The following IGFL4 variants were observed in gnomAD, a reference collection of about 807,000 sequenced individuals.
The protein encoded by IGFL4 is insulin growth factor-like family member 4.
A neutral mutation model predicts 15.4 loss-of-function variants in IGFL4; 12 were observed. The observed-to-expected ratio is 0.78, with a 90% confidence interval of 0.50 to 1.26. The LOEUF (loss-of-function observed/expected upper bound fraction) is 1.26. Among genes scored for constraint, IGFL4 ranks in the 50% most tolerant of loss-of-function variants. IGFL4 has a pLI of 0.00. For missense variants in IGFL4, 126 were observed against 147.8 expected (o/e 0.85, Z 0.76); for synonymous variants, 54 against 55.9 (o/e 0.97, Z 0.16).
intron 2 of IGFL4, among the ~76,000 whole-genome samples, chr19:46,051,956 C>A (rs954572669): frequency 6.6e-6 from 1 of 152,088 alleles, no homozygotes; most frequent in African/African-American, 2.4e-5. Context: ...TATACATGCA[C>A]CTAACACTGG....
chr19:46,055,422 A>C (rs1277102717), intron 2 of IGFL4, among the ~76,000 whole-genome samples: 2 of 152,206 alleles, frequency 1.3e-5, no homozygotes, highest in East Asian at 3.9e-4. Flanking sequence ...CTATCATTGC[A>C]TGTTTTGTTA....
At chr19:46,075,324 C>T (rs1389979411) in intron 1 of IGFL4, among the ~76,000 whole-genome samples, 1 of 152,172 alleles carries the variant, frequency 6.6e-6, no homozygotes, top group Non-Finnish European at 1.5e-5. Context: ...GGACACATTG[C>T]ATTTAGTTGT....
upstream of IGFL4, among the ~76,000 whole-genome samples, chr19:46,043,000 C>T (rs1265246941): frequency 2.0e-5 from 3 of 152,136 alleles, no homozygotes; most frequent in Non-Finnish European, 4.4e-5. Flanking sequence ...ACGTGGCCCA[C>T]GTGGAGATGT....
At chr19:46,052,720 C>A (rs76990167) in intron 2 of IGFL4, among the ~76,000 whole-genome samples, 27 of 145,412 alleles carry the variant, frequency 1.9e-4, no homozygotes, top group South Asian at 6.5e-4. Context: ...GAAACTCCGT[C>A]AAAAAAAAAA....
At chr19:46,059,078 T>C (rs1600675093) in intron 2 of IGFL4, 1 of 152,356 alleles carries the variant, frequency 6.6e-6, no homozygotes, top group East Asian at 1.9e-4. Flanking sequence ...AAGTCACTTT[T>C]GTTGCTATCT....
At chr19:46,041,128 A>C (rs567212182), upstream of IGFL4, 40 of 622,564 alleles carry the variant, frequency 6.4e-5, no homozygotes, top group African/African-American at 7.2e-4. Flanking sequence ...GAACATAAAT[A>C]ATTCATCAAA....
At chr19:46,063,445 C>A (rs1969465805) in intron 1 of IGFL4, among the ~76,000 whole-genome samples, 1 of 152,144 alleles carries the variant, frequency 6.6e-6, no homozygotes, top group African/African-American at 2.4e-5. Context: ...TTCACTCACT[C>A]ACTCCCCAGA....
chr19:46,065,668 A>T (rs1234913070), intron 1 of IGFL4, among the ~76,000 whole-genome samples: 1 of 152,258 alleles, frequency 6.6e-6, no homozygotes, highest in Non-Finnish European at 1.5e-5. Flanking sequence ...ATGTGCTGAA[A>T]GCCTTTCCAA....
At chr19:46,059,741 A>G (rs953130204) in intron 2 of IGFL4, 4 of 152,214 alleles carry the variant, frequency 2.6e-5, no homozygotes, top group African/African-American at 9.7e-5. Flanking sequence ...AAAGTGCAGC[A>G]ATAATAATTA....
At chr19:46,056,717 C>G (rs543674519) in intron 2 of IGFL4, among the ~76,000 whole-genome samples, 10 of 152,354 alleles carry the variant, frequency 6.6e-5, no homozygotes, top group African/African-American at 2.4e-4. Flanking sequence ...GGGCTGCAAG[C>G]CCGTCCAGGC....
chr19:46,054,295 T>C (rs2341891), intron 2 of IGFL4, among the ~76,000 whole-genome samples: 74,797 of 151,986 alleles, frequency 0.49, 18,947 homozygotes, highest in Non-Finnish European at 0.55. Flanking sequence ...GGGTGATCCA[T>C]GGGAGTCTAG....
intron 2 of IGFL4, chr19:46,058,024 C>CA (rs1232517813): frequency 6.6e-6 from 1 of 152,034 alleles, no homozygotes. Flanking sequence ...TTCATGTTCT[C>CA]ACATTTTAAA....
At chr19:46,041,871 C>G (rs1007060950), upstream of IGFL4, among the ~76,000 whole-genome samples, 3 of 138,592 alleles carry the variant, frequency 2.2e-5, no homozygotes, top group African/African-American at 8.3e-5. Flanking sequence ...CACCGTATCT[C>G]TCTGTCTCCC....
At chr19:46,052,979 A>G (rs1969361243) in intron 2 of IGFL4, among the ~76,000 whole-genome samples, 1 of 151,602 alleles carries the variant, frequency 6.6e-6, no homozygotes, top group Admixed American at 6.6e-5. Context: ...AAAAAAAAAA[A>G]AAAAGCAGGA....
chr19:46,062,007 G>A (rs1969450005), intron 1 of IGFL4, among the ~76,000 whole-genome samples: 1 of 152,100 alleles, frequency 6.6e-6, no homozygotes, highest in Admixed American at 6.5e-5. Flanking sequence ...ATTTTGAGAG[G>A]AATCTATCCA....
chr19:46,051,561 C>G (rs535277373), intron 2 of IGFL4, among the ~76,000 whole-genome samples: 1 of 151,958 alleles, frequency 6.6e-6, no homozygotes, highest in South Asian at 2.1e-4. Flanking sequence ...CAAAACAAAA[C>G]AAAACAAAAC....
intron 2 of IGFL4, chr19:46,058,514 C>G (rs4500862): frequency 6.6e-6 from 1 of 152,366 alleles, no homozygotes; most frequent in Non-Finnish European, 1.5e-5. Context: ...CCTCTCCTCA[C>G]AGCCCCACTA....
chr19:46,075,473 T>A (rs1969586725), intron 1 of IGFL4, among the ~76,000 whole-genome samples: 1 of 152,174 alleles, frequency 6.6e-6, no homozygotes, highest in South Asian at 2.1e-4. Context: ...CTTACCAGGG[T>A]CTGAAGGGCA....
At chr19:46,077,587 C>T (rs1322488976), upstream of IGFL4, among the ~76,000 whole-genome samples, 1 of 152,216 alleles carries the variant, frequency 6.6e-6, no homozygotes, top group Non-Finnish European at 1.5e-5. The surrounding 1 kb of genome is among the most constrained non-coding windows in gnomAD (Gnocchi z 5.4). Context: ...AGTGACACCC[C>T]CAAGAAAGTG....
Sources: gnomAD v4.1 joint callset for allele counts (sites outside exome capture counted in the v4.1 genomes callset) on GRCh38, gnomAD v4.1.1 for gene constraint, Gnocchi (gnomAD v3.1) non-coding constraint, MANE v1.5 for transcripts, NCBI Gene and HGNC (gene_info 2026-07-23, HGNC 2026-07-21) for gene names.